The following KCNH8 variants were observed in gnomAD, a reference collection of about 807,000 sequenced individuals.
The protein encoded by KCNH8 is voltage-gated delayed rectifier potassium channel KCNH8.
KCNH8 carries 70 observed loss-of-function variants against 103.6 expected under a neutral mutation model. That is an observed-to-expected ratio of 0.68 (90% CI 0.56 to 0.82). The LOEUF is 0.82. Ranked by LOEUF, KCNH8 falls within the 40% of genes least tolerant of loss-of-function variation. The pLI, the probability that KCNH8 is intolerant of heterozygous loss-of-function variation, is 0.00. For synonymous variants in KCNH8, 498 were observed against 489.4 expected (o/e 1.02, Z -0.23); for missense variants, 1,217 against 1,329.9 (o/e 0.92, Z 1.32).
intron 5 of KCNH8, among the ~76,000 whole-genome samples, chr3:19,364,567 A>G (rs1030384275): frequency 1.3e-5 from 2 of 152,102 alleles, no homozygotes; most frequent in Non-Finnish European, 2.9e-5. Context: ...GCCTGCGTAT[A>G]TAGCAATAAT....
At chr3:19,430,740 T>C (rs758834394) in intron 7 of KCNH8, among the ~76,000 whole-genome samples, 1 of 152,054 alleles carries the variant, frequency 6.6e-6, no homozygotes, top group Non-Finnish European at 1.5e-5. Context: ...ATTGCTTTTT[T>C]TGGCAACTGT....
chr3:19,434,239 T>C (rs1011564528), intron 7 of KCNH8, among the ~76,000 whole-genome samples: 1 of 152,248 alleles, frequency 6.6e-6, no homozygotes, highest in African/African-American at 2.4e-5. Context: ...GTAAGTATGT[T>C]TCTTATCAAT....
intron 5 of KCNH8, among the ~76,000 whole-genome samples, chr3:19,361,233 G>A (rs1008205548): frequency 2.0e-5 from 3 of 151,932 alleles, no homozygotes; most frequent in Admixed American, 6.6e-5. Flanking sequence ...TTTTCCTAAT[G>A]GTTTTTCAAT....
intron 1 of KCNH8, among the ~76,000 whole-genome samples, chr3:19,241,021 C>G (rs2064134155): frequency 6.6e-6 from 1 of 152,080 alleles, no homozygotes; most frequent in Admixed American, 6.6e-5. Flanking sequence ...TATAGCCTAT[C>G]CTATTTTGTT....
chr3:19,288,742 A>G (rs1019541535), intron 3 of KCNH8, among the ~76,000 whole-genome samples: 4 of 152,182 alleles, frequency 2.6e-5, no homozygotes, highest in African/African-American at 9.7e-5. Context: ...TTGGTTATAT[A>G]CCCAGTAATG....
chr3:19,234,598 GC>G (rs1247512728), intron 1 of KCNH8, among the ~76,000 whole-genome samples: 1 of 151,926 alleles, frequency 6.6e-6, no homozygotes, highest in Admixed American at 6.5e-5. Flanking sequence ...CCGTCCGCAG[GC>G]CCGGTTCCCG....
intron 1 of KCNH8, among the ~76,000 whole-genome samples, chr3:19,214,043 T>C (rs964312269): frequency 3.3e-5 from 5 of 152,172 alleles, no homozygotes; most frequent in Non-Finnish European, 5.9e-5. Flanking sequence ...CCCGTGGGAT[T>C]AGTTGCTGAT....
At chr3:19,241,294 C>G (rs1409608919) in intron 1 of KCNH8, among the ~76,000 whole-genome samples, 2 of 152,098 alleles carry the variant, frequency 1.3e-5, no homozygotes, top group Non-Finnish European at 2.9e-5. Context: ...CACCACCTGT[C>G]TGAGATAGAA....
chr3:19,534,323 A>G lies in KCNH8; in HGVS notation c.*224A>G, dbSNP rs1041473434. The G allele has an allele frequency of 1.8e-6, 1 of 548,962 alleles. No individual in the cohort carries two copies. Among genetic ancestry groups the G allele is most frequent in the South Asian group, 2.6e-5 (1 of 38,126 alleles). The allele number at this position is 548,962 out of a possible 1,614,324, so 34.0% of individuals were successfully genotyped here. On this transcript the variant is annotated 3_prime_UTR_variant, in exon 16 of 16. Transcript: ENST00000328405. ...CATTTTTCTGTACAGGTATTAAACT[A>G]CTGGTCTGTTTGACAGACTTTGGTA...
At chr3:19,249,044 A>C (rs1353447668) in intron 1 of KCNH8, among the ~76,000 whole-genome samples, 1 of 152,202 alleles carries the variant, frequency 6.6e-6, no homozygotes, top group Non-Finnish European at 1.5e-5. Context: ...GAATATATAT[A>C]TAAAAATTAC....
chr3:19,217,682 C>T (rs2063831146), intron 1 of KCNH8, among the ~76,000 whole-genome samples: 1 of 152,022 alleles, frequency 6.6e-6, no homozygotes, highest in African/African-American at 2.4e-5. Flanking sequence ...TTAAGCTGTC[C>T]AGCTGGGATT....
chr3:19,451,144 TTC>T lies in KCNH8; in HGVS notation c.1576-7_1576-6del. ...CCCCAATTTGATTTCCTCCTTCATC[TTC>T]TCTGACAGCTTTTGAAAGACTTTCC... On this transcript the variant is annotated splice_polypyrimidine_tract_variant and intron_variant, in intron 9 of 15. Coordinates refer to ENST00000328405, the MANE Select transcript of KCNH8 (RefSeq NM_144633.3). 4 of 1,613,234 alleles carry T rather than the reference TTC, an allele frequency of 2.5e-6. No homozygotes were observed. Among genetic ancestry groups the T allele is most frequent in the Non-Finnish European group, 3.4e-6 (4 of 1,179,282 alleles).
At chr3:19,302,710 T>TA (rs1290040796) in intron 3 of KCNH8, among the ~76,000 whole-genome samples, 1 of 152,206 alleles carries the variant, frequency 6.6e-6, no homozygotes, top group African/African-American at 2.4e-5. Context: ...GCTTCCTACT[T>TA]AGACTCTCTT....
intron 11 of KCNH8, among the ~76,000 whole-genome samples, chr3:19,458,329 T>G (rs1195327292): frequency 6.6e-6 from 1 of 151,954 alleles, no homozygotes; most frequent in Non-Finnish European, 1.5e-5. Flanking sequence ...ACAATTGTTT[T>G]GAAAATCAAA....
chr3:19,376,079 G>C (rs1380217919), intron 5 of KCNH8, among the ~76,000 whole-genome samples: 4 of 152,290 alleles, frequency 2.6e-5, no homozygotes, highest in Non-Finnish European at 5.9e-5. Context: ...CCCCAGAGGT[G>C]GAGCCTACAG....
At chr3:19,503,725 C>T (rs1362427666) in intron 11 of KCNH8, among the ~76,000 whole-genome samples, 1 of 135,406 alleles carries the variant, frequency 7.4e-6, no homozygotes, top group Non-Finnish European at 1.5e-5. Context: ...GGGAATTGAA[C>T]AATGAGAACA....
At chr3:19,489,709 C>A (rs1476794453) in intron 11 of KCNH8, among the ~76,000 whole-genome samples, 1 of 151,722 alleles carries the variant, frequency 6.6e-6, no homozygotes, top group Non-Finnish European at 1.5e-5. Flanking sequence ...CAAAACACCA[C>A]ACTCACACCA....
At chr3:19,417,420 AC>A (rs1454736802) in intron 7 of KCNH8, among the ~76,000 whole-genome samples, 1 of 151,744 alleles carries the variant, frequency 6.6e-6, no homozygotes, top group Non-Finnish European at 1.5e-5. Context: ...TAAAAGGCCA[AC>A]TGAATAAGGT....
intron 1 of KCNH8, among the ~76,000 whole-genome samples, chr3:19,197,658 C>T (rs2063615329): frequency 6.6e-6 from 1 of 151,690 alleles, no homozygotes; most frequent in Non-Finnish European, 1.5e-5. Flanking sequence ...TCTAAATTCT[C>T]GGTGGTTTGG....
Sources: gnomAD v4.1 joint callset for allele counts (sites outside exome capture counted in the v4.1 genomes callset) on GRCh38, gnomAD v4.1.1 for gene constraint, MANE v1.5 for transcripts, NCBI Gene and HGNC (gene_info 2026-07-23, HGNC 2026-07-21) for gene names.